PCDHGB3: variants seen among roughly 807,000 people sequenced by gnomAD.
PCDHGB3 encodes the protein protocadherin gamma-B3.
In PCDHGB3, 40 loss-of-function variants were observed where a neutral mutation model predicts 59.2. That is an observed-to-expected ratio of 0.68 (90% CI 0.52 to 0.88). The LOEUF (loss-of-function observed/expected upper bound fraction) is 0.88. Ranked by LOEUF, PCDHGB3 falls within the 40% of genes least tolerant of loss-of-function variation. The pLI, the probability that PCDHGB3 is intolerant of heterozygous loss-of-function variation, is 0.00. For synonymous variants in PCDHGB3, 581 were observed against 503.6 expected (o/e 1.15, Z -2.06); for missense variants, 1,309 against 1,187.9 (o/e 1.10, Z -1.50).
chr5:141,421,541 T>A (rs1235004908), intron 1 of PCDHGB3: 9 of 1,613,912 alleles, frequency 5.6e-6, no homozygotes, highest in African/African-American at 1.3e-5. Flanking sequence ...TCCTGTTTTT[T>A]AAATATGGAA....
chr5:141,476,922 C>T lies in PCDHGB3; in HGVS notation c.2416-17885C>T. 4 of 1,614,120 alleles carry T rather than the reference C, an allele frequency of 2.5e-6. No individual in the cohort carries two copies. Among genetic ancestry groups the T allele is most frequent in the Non-Finnish European group, 2.5e-6 (3 of 1,180,050 alleles). On this transcript the variant is annotated intron_variant, in intron 1 of 3. Transcript: ENST00000576222. The surrounding 1 kb of genome is among the most constrained non-coding windows in gnomAD (Gnocchi z 7.6). ...ACGCGCGTGGTACAAGTCCTTGCAA[C>T]GGATCTGGATGAAGGCCCCAACGGT...
chr5:141,501,017 C>T (rs1383853662), intron 2 of PCDHGB3, among the ~76,000 whole-genome samples: 5 of 151,866 alleles, frequency 3.3e-5, no homozygotes, highest in African/African-American at 7.3e-5. Flanking sequence ...TACAGGCACG[C>T]GCCACCACGC....
chr5:141,420,960 T>C, intron 1 of PCDHGB3: 1 of 425,378 alleles, frequency 2.4e-6, no homozygotes, highest in East Asian at 3.9e-5. Context: ...TCTTAGTCGT[T>C]GCAATAATAA....
chr5:141,381,798 CTCTTTCTTTCTT>C (rs372235829), intron 1 of PCDHGB3, among the ~76,000 whole-genome samples: 1 of 144,134 alleles, frequency 6.9e-6, no homozygotes, highest in Non-Finnish European at 1.5e-5. Flanking sequence ...AGGCAATTCC[CTCTTTCTTTCTT>C]TCTTTCTTTC....
chr5:141,459,090 A>G (rs769066156), intron 1 of PCDHGB3, among the ~76,000 whole-genome samples: 4 of 152,218 alleles, frequency 2.6e-5, no homozygotes, highest in Non-Finnish European at 4.4e-5. Flanking sequence ...TTAAAATTAT[A>G]CAGTGCAATG....
In PCDHGB3 at chr5:141,376,620, C is replaced by T. The variant is rs2150087257; in HGVS notation, c.2415+3811C>T. The stretch of plus-strand genomic sequence containing the variant: ...TTATAGAAGCGAACCTCTTTTGGTA[C>T]AGGAAGATTCGTGATTTTGTAAAGT... On this transcript the variant is annotated intron_variant, in intron 1 of 3. Transcript: ENST00000576222. 2.9e-6 allele frequency: 4 copies of T among 1,360,830 alleles called. No homozygotes were observed. In the East Asian group the frequency reaches 7.4e-5, roughly 25 times the overall value. The allele number at this position is 1,360,830 out of a possible 1,614,324, so 84.3% of individuals were successfully genotyped here. A position where few individuals can be genotyped will look rare whatever the true frequency, so the allele number is the denominator to read the frequency against.
intron 1 of PCDHGB3, among the ~76,000 whole-genome samples, chr5:141,455,423 CA>C (rs2098822271): frequency 6.6e-6 from 1 of 152,040 alleles, no homozygotes; most frequent in Non-Finnish European, 1.5e-5. Flanking sequence ...AGCGGGGCTC[CA>C]AAAGAGGAGG....
At chr5:141,475,934 G>T in intron 1 of PCDHGB3, 1 of 665,236 alleles carries the variant, frequency 1.5e-6, no homozygotes, top group Non-Finnish European at 2.5e-6. Context: ...TCGGGCCCCT[G>T]CCCGTCCCCT....
intron 1 of PCDHGB3, among the ~76,000 whole-genome samples, chr5:141,468,759 G>A (rs1202810666): frequency 3.9e-5 from 6 of 151,990 alleles, no homozygotes; most frequent in Admixed American, 2.0e-4. Context: ...CCAGCTACTC[G>A]GGAGGCTGAG....
At chr5:141,428,245 C>A in intron 1 of PCDHGB3, 1 of 948,140 alleles carries the variant, frequency 1.1e-6, no homozygotes, top group South Asian at 1.4e-5. Flanking sequence ...GGAGGCACTG[C>A]CAGACTTCAG....
intron 1 of PCDHGB3, chr5:141,400,097 A>G: frequency 6.2e-7 from 1 of 1,614,048 alleles, no homozygotes; most frequent in Non-Finnish European, 8.5e-7. Flanking sequence ...GCCACGCTGC[A>G]CTTGGTCTTT....
At chr5:141,376,041 C>G (rs781158382) in intron 1 of PCDHGB3, 1 of 1,613,218 alleles carries the variant, frequency 6.2e-7, no homozygotes, top group Non-Finnish European at 8.5e-7. Flanking sequence ...GGCCAGCCCC[C>G]TCTCTCCGCC....
intron 1 of PCDHGB3, chr5:141,423,755 G>T (rs1236551808): frequency 9.8e-6 from 5 of 512,508 alleles, no homozygotes; most frequent in Non-Finnish European, 1.3e-5. Flanking sequence ...CTGTTTGGGG[G>T]GGGGGTGGGG....
At chr5:141,442,694 C>A (rs549307212) in intron 1 of PCDHGB3, among the ~76,000 whole-genome samples, 22 of 152,304 alleles carry the variant, frequency 1.4e-4, no homozygotes, top group Non-Finnish European at 3.1e-4. Flanking sequence ...GTCAGGCAGA[C>A]AAGAGTATCA....
chr5:141,422,453 G>A, intron 1 of PCDHGB3: 3 of 1,611,704 alleles, frequency 1.9e-6, no homozygotes, highest in Non-Finnish European at 2.5e-6. Context: ...ATAACAAGCA[G>A]AGTGCTGGAC....
intron 1 of PCDHGB3, chr5:141,399,703 C>T: frequency 1.2e-6 from 2 of 1,613,474 alleles, no homozygotes; most frequent in African/African-American, 1.3e-5. Flanking sequence ...CACCTTCGAA[C>T]TCACACTACA....
In PCDHGB3 at chr5:141,371,998, G is replaced by T. The variant is rs893704391; in HGVS notation, c.1604G>T (p.Arg535Leu). ...GCCTTCGAGCTCACTCTGCAGGCCCGCGACCAGGGCTCGCCTACGCTCAGC... is the reference window on the plus strand; with the variant it reads ...GCCTTCGAGCTCACTCTGCAGGCCCTCGACCAGGGCTCGCCTACGCTCAGC... ...LRAFELTLQA[R>L]DQGSPTLSAN... The change falls in exon 1 of 4, where the codon CGC (arginine) becomes CTC (leucine). Residue 535 changes from arginine to leucine, a missense_variant. Transcript: ENST00000576222. The T allele has an allele frequency of 3.1e-6, 5 of 1,613,148 alleles. No homozygotes were observed. In the African/African-American group the frequency reaches 6.7e-5, roughly 22 times the overall value.
chr5:141,422,115 T>C, intron 1 of PCDHGB3: 1 of 1,605,004 alleles, frequency 6.2e-7, no homozygotes, highest in South Asian at 1.1e-5. Context: ...TCCAATTGGA[T>C]TCACAAACTG....
chr5:141,384,094 G>C (rs1223052119), intron 1 of PCDHGB3: 4 of 1,596,266 alleles, frequency 2.5e-6, no homozygotes, highest in Non-Finnish European at 3.4e-6. Flanking sequence ...AAAATCAATA[G>C]ATAATTATTA....
Sources: allele counts gnomAD v4.1 joint callset (sites outside exome capture counted in the v4.1 genomes callset), GRCh38; gene constraint gnomAD v4.1.1; non-coding constraint Gnocchi (gnomAD v3.1); transcripts MANE v1.5; gene names NCBI Gene and HGNC (gene_info 2026-07-23, HGNC 2026-07-21).